ADAMTS6: variants seen among roughly 807,000 people sequenced by gnomAD.
The protein encoded by ADAMTS6 is ADAM metallopeptidase with thrombospondin type 1 motif 6, also known as A disintegrin and metalloproteinase with thrombospondin motifs 6.
A neutral mutation model predicts 144.3 loss-of-function variants in ADAMTS6; 23 were observed. That is an observed-to-expected ratio of 0.16 (90% CI 0.11 to 0.23). The LOEUF (loss-of-function observed/expected upper bound fraction) is 0.23, where lower values mean the gene tolerates loss of function less well. Ranked by LOEUF, ADAMTS6 falls within the 10% of genes least tolerant of loss-of-function variation. The pLI is 1.00. For missense variants in ADAMTS6, 999 were observed against 1,379.6 expected, an observed-to-expected ratio of 0.72 and a Z score of 4.37; for synonymous variants, 444 against 457.5, an observed-to-expected ratio of 0.97 and a Z score of 0.38.
rs551202062 is a variant in ADAMTS6, at chr5:65,399,716, TAC to T, written c.1073+51757_1073+51758del. Among the ~76,000 whole-genome samples, 14 of 151,654 alleles carry T rather than the reference TAC, an allele frequency of 9.2e-5. No homozygotes were observed. In the South Asian group the frequency reaches 2.3e-3, roughly 25 times the overall value. On this transcript the variant is annotated intron_variant, in intron 7 of 24. Transcript: ENST00000381055. ...TCATTTATACATGAGCATATATAGATACAGATACATACATATGATACATAAGC... is the reference window on the plus strand; with the variant it reads ...TCATTTATACATGAGCATATATAGATAGATACATACATATGATACATAAGC...
chr5:65,370,603 C>T (rs191331502), intron 7 of ADAMTS6, among the ~76,000 whole-genome samples: 31 of 152,342 alleles, frequency 2.0e-4, no homozygotes, highest in Non-Finnish European at 3.7e-4. Context: ...GATTATATCC[C>T]GCACCTGGAT....
chr5:65,221,070 T>C (rs1025319472), intron 18 of ADAMTS6, among the ~76,000 whole-genome samples: 1 of 152,184 alleles, frequency 6.6e-6, no homozygotes, highest in African/African-American at 2.4e-5. Context: ...ACAGTTGAAT[T>C]CTATCAAGCA....
chr5:65,398,755 A>AAG (rs1251163169), intron 7 of ADAMTS6, among the ~76,000 whole-genome samples: 2 of 149,314 alleles, frequency 1.3e-5, no homozygotes, highest in African/African-American at 2.5e-5. Flanking sequence ...TAAAGAGAGA[A>AAG]AGAGAGAGAG....
intron 10 of ADAMTS6, among the ~76,000 whole-genome samples, chr5:65,296,652 T>G (rs2112783976): frequency 6.6e-6 from 1 of 152,266 alleles, no homozygotes; most frequent in African/African-American, 2.4e-5. Flanking sequence ...TGTAAGTGCT[T>G]TGGTCATCTT....
intron 7 of ADAMTS6, among the ~76,000 whole-genome samples, chr5:65,442,221 G>A (rs1757919421): frequency 6.6e-6 from 1 of 151,934 alleles, no homozygotes; most frequent in South Asian, 2.1e-4. Flanking sequence ...TACCATAGAG[G>A]TGATTTTACT....
intron 9 of ADAMTS6, among the ~76,000 whole-genome samples, chr5:65,303,021 A>G (rs560500939): frequency 6.6e-6 from 1 of 152,270 alleles, no homozygotes; most frequent in South Asian, 2.1e-4. Context: ...CTTGGAATAT[A>G]AAAACATGGT....
intron 1 of ADAMTS6, among the ~76,000 whole-genome samples, chr5:65,480,869 C>A (rs543218271): frequency 5.3e-5 from 8 of 152,268 alleles, no homozygotes; most frequent in African/African-American, 1.7e-4. Flanking sequence ...CACATTAATG[C>A]TACCCTCTGA....
At chr5:65,201,047 G>A (rs1366910191) in intron 20 of ADAMTS6, among the ~76,000 whole-genome samples, 1 of 152,158 alleles carries the variant, frequency 6.6e-6, no homozygotes, top group Non-Finnish European at 1.5e-5. Context: ...ATGGGAAGAA[G>A]GCATATTCCA....
In ADAMTS6 at chr5:65,383,284, G is replaced by T. The variant is rs557107094; in HGVS notation, c.1074-49199C>A. 7.4e-4 allele frequency among the ~76,000 whole-genome samples: 112 copies of T among 152,000 alleles called. 1 individual carries two copies. Among genetic ancestry groups the T allele is most frequent in the Non-Finnish European group, 1.4e-3 (93 of 68,004 alleles). ...CCTAATATCAACTCAAAAGTCTAAA[G>T]TCATCAAATATTGGTGAGACTCAAG... On this transcript the variant is annotated intron_variant, in intron 7 of 24. Transcript: ENST00000381055.
chr5:65,275,599 T>C (rs1762470376), intron 11 of ADAMTS6, among the ~76,000 whole-genome samples: 1 of 151,940 alleles, frequency 6.6e-6, no homozygotes, highest in South Asian at 2.1e-4. Flanking sequence ...TATACTACTT[T>C]ACTCTTTTTC....
intron 1 of ADAMTS6, among the ~76,000 whole-genome samples, chr5:65,478,333 T>A (rs1396648058): frequency 6.6e-6 from 1 of 152,154 alleles, no homozygotes; most frequent in Non-Finnish European, 1.5e-5. Context: ...AACATTGAAA[T>A]ACCAAACAGT....
intron 10 of ADAMTS6, among the ~76,000 whole-genome samples, chr5:65,292,203 T>A (rs7725494): frequency 0.016 from 2,379 of 152,184 alleles, 56 homozygotes; most frequent in African/African-American, 0.055. Flanking sequence ...AATACCTTAG[T>A]TTAAAGAGCT....
At chr5:65,378,058 G>A (rs1377640254) in intron 7 of ADAMTS6, among the ~76,000 whole-genome samples, 1 of 151,950 alleles carries the variant, frequency 6.6e-6, no homozygotes, top group Non-Finnish European at 1.5e-5. Context: ...TCAGAGTAAG[G>A]GTCTACCATA....
At chr5:65,315,382 T>G (rs529003711) in intron 9 of ADAMTS6, among the ~76,000 whole-genome samples, 1 of 151,850 alleles carries the variant, frequency 6.6e-6, no homozygotes, top group African/African-American at 2.4e-5. Context: ...AGAGAAGAGA[T>G]AAAATGGAAT....
chr5:65,194,181 G>C (rs1332126312), intron 21 of ADAMTS6, among the ~76,000 whole-genome samples: 1 of 152,152 alleles, frequency 6.6e-6, no homozygotes, highest in East Asian at 1.9e-4. Flanking sequence ...GGGAATCTCA[G>C]ATGGTCCCTG....
intron 22 of ADAMTS6, among the ~76,000 whole-genome samples, chr5:65,184,850 C>T (rs550599845): frequency 5.7e-4 from 86 of 151,768 alleles, no homozygotes; most frequent in South Asian, 1.2e-3. Flanking sequence ...GTTTCACTGA[C>T]GCTGGCTTTA....
chr5:65,230,343 T>TATATATAATACATTATATATATGAA, intron 15 of ADAMTS6, among the ~76,000 whole-genome samples: 1 of 95,768 alleles, frequency 1.0e-5, no homozygotes, highest in African/African-American at 5.5e-5. Context: ...ATATATGAAA[T>TATATATAATACATTATATATATGAA]ATATATAATA....
At chr5:65,475,719 A>G (rs980248787) in intron 1 of ADAMTS6, among the ~76,000 whole-genome samples, 5 of 152,264 alleles carry the variant, frequency 3.3e-5, no homozygotes, top group African/African-American at 1.2e-4. Context: ...ATAACCAGAA[A>G]AAAATGGGAA....
At chr5:65,390,935 TTTTG>T (rs138812394) in intron 7 of ADAMTS6, among the ~76,000 whole-genome samples, 2,964 of 150,884 alleles carry the variant, frequency 0.02, 99 homozygotes, top group African/African-American at 0.069. Context: ...GGGAAGTTGG[TTTTG>T]TTTGTTTTTT....
Sources: gnomAD v4.1 joint callset for allele counts (sites outside exome capture counted in the v4.1 genomes callset) on GRCh38, gnomAD v4.1.1 for gene constraint, MANE v1.5 for transcripts, NCBI Gene and HGNC (gene_info 2026-07-23, HGNC 2026-07-21) for gene names.